CCDC13: variants seen among roughly 807,000 people sequenced by gnomAD.
The protein encoded by CCDC13 is coiled-coil domain-containing protein 13.
CCDC13 carries 70 observed loss-of-function variants against 87.3 expected under a neutral mutation model. The observed-to-expected ratio is 0.80, with a 90% CI of 0.66 to 0.98. The LOEUF is 0.98. Ranked by LOEUF, CCDC13 falls within the 50% of genes least tolerant of loss-of-function variation. The pLI, the probability that CCDC13 is intolerant of heterozygous loss-of-function variation, is 0.00. For synonymous variants in CCDC13, 317 were observed against 360.3 expected (o/e 0.88, Z 1.36); for missense variants, 842 against 892.0 (o/e 0.94, Z 0.71).
intron 5 of CCDC13, among the ~76,000 whole-genome samples, chr3:42,748,671 C>T (rs998834156): frequency 1.3e-5 from 2 of 152,194 alleles, no homozygotes; most frequent in African/African-American, 4.8e-5. Flanking sequence ...ACACCTGGTC[C>T]AGAAACTCTG....
rs1165262267 is a variant in CCDC13 at position 42,745,765 on chromosome 3, C to T, written c.825+158G>A. ...AACAAATTAAAATCAGGCTGGTTGG[C>T]GAGAAGGTAAAACAACAACCCCGCA... is the stretch of plus-strand genomic sequence containing the variant. On this transcript the variant is annotated intron_variant, in intron 7 of 15. Transcript: ENST00000310232. 69 of 519,578 alleles carry T rather than the reference C, an allele frequency of 1.3e-4. 1 individual carries two copies. The highest frequency in any genetic ancestry group is 1.7e-5 in the Non-Finnish European group (5 of 289,660). 32.2% of individuals were successfully genotyped at this position (519,578 alleles called of 1,614,324 possible). A position where few individuals can be genotyped will look rare whatever the true frequency, so the allele number is the denominator to read the frequency against.
intron 1 of CCDC13, among the ~76,000 whole-genome samples, chr3:42,767,294 C>T (rs1283719112): frequency 6.6e-6 from 1 of 151,992 alleles, no homozygotes; most frequent in Non-Finnish European, 1.5e-5. Flanking sequence ...ATGGAAAGCT[C>T]AAGTTAAAAA....
chr3:42,707,102 C>T lies in CCDC13; in HGVS notation c.*1878G>A, dbSNP rs1295844212. Among the ~76,000 whole-genome samples the T allele has an allele frequency of 2.0e-5, 3 of 152,170 alleles. No homozygotes were observed. The highest frequency in any genetic ancestry group is 4.8e-5 in the African/African-American group (2 of 41,442). ...TTGAGGAAGGATGGCTGATCCTATGCCTGCTTCTCACTCCCTGGGACTGCA... is the reference window on the plus strand; with the variant it reads ...TTGAGGAAGGATGGCTGATCCTATGTCTGCTTCTCACTCCCTGGGACTGCA... On this transcript the variant is annotated 3_prime_UTR_variant, in exon 16 of 16. Transcript: ENST00000310232.
chr3:42,735,632 G>C, intron 10 of CCDC13, 75 bp downstream of exon 10: 1 of 1,478,386 alleles, frequency 6.8e-7, no homozygotes, highest in Non-Finnish European at 9.4e-7. Context: ...TAAGGCAAGT[G>C]GAAAGAAGTG....
rs564291764 is a variant in CCDC13 at position 42,744,635 on chromosome 3, C to T, written c.825+1288G>A. Among the ~76,000 whole-genome samples, 151 of 151,718 alleles carry T rather than the reference C, an allele frequency of 1.0e-3. 2 individuals carry two copies. The highest frequency in any genetic ancestry group is 3.6e-3 in the African/African-American group (147 of 41,344). The stretch of plus-strand genomic sequence containing the variant: ...CCTGGCTAACACAGTGAAACCTCGT[C>T]TCTACTAAAAATACAAAAAATTAGC... On this transcript the variant is annotated intron_variant, in intron 7 of 15. Coordinates refer to ENST00000310232, the MANE Select transcript of CCDC13 (RefSeq NM_144719.4).
Position 42,705,836 on chromosome 3 carries a change from A to C in CCDC13, c.*3144T>G, listed in dbSNP as rs1274327274. On this transcript the variant is annotated 3_prime_UTR_variant, in exon 16 of 16. Transcript: ENST00000310232. ...GTCCCTATCTTTGACCCCTTTGATG[A>C]CCTCCTTCCCTTGAAAATCCTTCTC... 6.6e-6 allele frequency among the ~76,000 whole-genome samples: 1 copy of C among 151,680 alleles called. No homozygotes were observed. The highest frequency in any genetic ancestry group is 1.5e-5 in the Non-Finnish European group (1 of 67,904).
chr3:42,756,981 A>T, intron 3 of CCDC13, 85 bp downstream of exon 3: 1 of 1,344,870 alleles, frequency 7.4e-7, no homozygotes, highest in Non-Finnish European at 1.0e-6. Flanking sequence ...CTCTCTTGGG[A>T]ATCTGCTCTC....
intron 1 of CCDC13, among the ~76,000 whole-genome samples, chr3:42,762,090 G>A: frequency 6.6e-6 from 1 of 152,206 alleles, no homozygotes; most frequent in African/African-American, 2.4e-5. Context: ...CCCACCCCTA[G>A]AGAATCTGAT....
intron 6 of CCDC13, chr3:42,746,836 T>C: frequency 3.6e-6 from 1 of 278,050 alleles, no homozygotes; most frequent in Non-Finnish European, 7.0e-6. Flanking sequence ...CTATTCATTT[T>C]CTGTTACAGA....
At chr3:42,732,652 GTA>G in intron 12 of CCDC13, 1 of 538,520 alleles carries the variant, frequency 1.9e-6, no homozygotes, top group Non-Finnish European at 3.3e-6. Context: ...TAATTCTCAC[GTA>G]GCAGGTAGGA....
intron 7 of CCDC13, among the ~76,000 whole-genome samples, chr3:42,743,487 G>T (rs895548263): frequency 1.0e-4 from 15 of 147,574 alleles, no homozygotes; most frequent in African/African-American, 3.8e-4. Context: ...GTGCAATCAT[G>T]GCTCACTGTA....
At position 42,713,346 on chromosome 3, in the gene CCDC13, T is replaced by C. The variant is rs1343690846; in HGVS notation, c.1719-30A>G. 3.7e-6 allele frequency: 6 copies of C among 1,610,788 alleles called. No homozygotes were observed. In the East Asian group the frequency reaches 6.7e-5, roughly 18 times the overall value. ...TGATTAGAGAGGAGGGGATGCTACA[T>C]GCCCTGGCAGGCAGGGGCAGGCCCT... On this transcript the variant is annotated intron_variant, in intron 13 of 15. Coordinates refer to ENST00000310232, the MANE Select transcript of CCDC13 (RefSeq NM_144719.4).
intron 1 of CCDC13, among the ~76,000 whole-genome samples, chr3:42,768,661 C>T (rs1012421145): frequency 6.6e-6 from 1 of 151,342 alleles, no homozygotes; most frequent in Admixed American, 6.6e-5. Flanking sequence ...CACTCCACTG[C>T]ACTCCAGCCT....
chr3:42,713,757 T>C (rs1439335655), intron 13 of CCDC13, among the ~76,000 whole-genome samples: 8 of 152,252 alleles, frequency 5.3e-5, no homozygotes, highest in Non-Finnish European at 1.2e-4. Flanking sequence ...TTTGGATGAA[T>C]TGATATTAGG....
chr3:42,711,371 T>C (rs1483342981), intron 14 of CCDC13, among the ~76,000 whole-genome samples: 2 of 152,148 alleles, frequency 1.3e-5, no homozygotes, highest in Non-Finnish European at 2.9e-5. Context: ...GTAAATTACT[T>C]GGTATCAGAA....
chr3:42,742,871 G>A (rs760846854), intron 8 of CCDC13, 25 bp downstream of exon 8: 1 of 1,612,822 alleles, frequency 6.2e-7, no homozygotes, highest in Admixed American at 1.7e-5. Context: ...CACATGCCCA[G>A]CTGACCTCCT....
rs776450754 is a variant in CCDC13 at position 42,752,043 on chromosome 3, G to A, written c.514-18C>T. The A allele has an allele frequency of 3.7e-5, 59 of 1,597,266 alleles. No individual in the cohort carries two copies. The highest frequency in any genetic ancestry group is 1.6e-4 in the Middle Eastern group (1 of 6,076). ...GTCTGCAGCTGAAAAAGCAAACCTC[G>A]TGCTTAATACTCTGCTCAGCGATTG... On this transcript the variant is annotated intron_variant, in intron 4 of 15. Transcript: ENST00000310232.
chr3:42,752,436 A>G lies in CCDC13; in HGVS notation c.513+139T>C, dbSNP rs2125905252. The G allele has an allele frequency of 4.8e-6, 5 of 1,040,268 alleles. No homozygotes were observed. In the South Asian group the frequency reaches 6.3e-5, roughly 13 times the overall value. 64.4% of individuals were successfully genotyped at this position (1,040,268 alleles called of 1,614,324 possible). On this transcript the variant is annotated intron_variant, in intron 4 of 15. Coordinates refer to ENST00000310232, the MANE Select transcript of CCDC13 (RefSeq NM_144719.4). ...AGAATTGGATTTAAAATGCAGCACCACCATATACTGCGTGACTTGAGAAAG... is the reference window on the plus strand; with the variant it reads ...AGAATTGGATTTAAAATGCAGCACCGCCATATACTGCGTGACTTGAGAAAG...
chr3:42,721,489 T>C (rs1212579474), intron 13 of CCDC13, among the ~76,000 whole-genome samples: 1 of 152,254 alleles, frequency 6.6e-6, no homozygotes, highest in Non-Finnish European at 1.5e-5. Context: ...CTTTTTAATT[T>C]TGTTTCAAAC....
Sources: gnomAD v4.1 joint callset for allele counts (sites outside exome capture counted in the v4.1 genomes callset) on GRCh38, gnomAD v4.1.1 for gene constraint, MANE v1.5 for transcripts, NCBI Gene and HGNC (gene_info 2026-07-23, HGNC 2026-07-21) for gene names.